The following CSGALNACT1 variants were observed in gnomAD, a reference collection of about 807,000 sequenced individuals.
CSGALNACT1 encodes chondroitin sulfate N-acetylgalactosaminyltransferase 1.
A neutral mutation model predicts 51.0 loss-of-function variants in CSGALNACT1; 52 were observed. The ratio of observed to expected loss-of-function variants is 1.02; its 90% CI spans 0.82 to 1.29. The LOEUF (loss-of-function observed/expected upper bound fraction) is 1.29. CSGALNACT1 is among the 50% of genes most tolerant of loss of function. The pLI, the probability that CSGALNACT1 is intolerant of heterozygous loss-of-function variation, is 0.00. For missense variants in CSGALNACT1, 935 were observed against 679.2 expected, an observed-to-expected ratio of 1.38 and a Z score of -4.19; for synonymous variants, 341 against 254.4, an observed-to-expected ratio of 1.34 and a Z score of -3.24.
At chr8:19,634,428 G>A (rs997720029) in intron 1 of CSGALNACT1, among the ~76,000 whole-genome samples, 5 of 151,918 alleles carry the variant, frequency 3.3e-5, no homozygotes, top group South Asian at 2.1e-4. Context: ...GAGAGAGGCC[G>A]AGGCAAGAGG....
chr8:19,443,672 C>G (rs2061676112), intron 5 of CSGALNACT1, among the ~76,000 whole-genome samples: 1 of 152,200 alleles, frequency 6.6e-6, no homozygotes, highest in South Asian at 2.1e-4. Flanking sequence ...ATGATCTCCA[C>G]CTGGCCCTGC....
intron 1 of CSGALNACT1, among the ~76,000 whole-genome samples, chr8:19,666,793 AAGAAAGAAAGAAAGAAAGAGAGAGAG>A (rs1479661144): frequency 2.8e-4 from 10 of 35,760 alleles, no homozygotes; most frequent in Middle Eastern, 0.012. Flanking sequence ...GAAAGAAAGA[AAGAAAGAAAGAAAGAAAGAGAGAGAG>A]AGAGAGAGAG....
intron 4 of CSGALNACT1, among the ~76,000 whole-genome samples, chr8:19,461,868 GGC>G: frequency 6.7e-6 from 1 of 148,430 alleles, no homozygotes; most frequent in African/African-American, 2.4e-5. Flanking sequence ...CACCATGGAG[GGC>G]GTATCCACAC....
intron 3 of CSGALNACT1, among the ~76,000 whole-genome samples, chr8:19,583,830 C>A (rs1282057736): frequency 6.6e-6 from 1 of 152,184 alleles, no homozygotes; most frequent in Admixed American, 6.5e-5. Flanking sequence ...AGTAACTGAG[C>A]AATTAGAATA....
chr8:19,549,001 G>C (rs2087216902), intron 3 of CSGALNACT1, among the ~76,000 whole-genome samples: 1 of 151,964 alleles, frequency 6.6e-6, no homozygotes, highest in Non-Finnish European at 1.5e-5. Context: ...AAATTTTACA[G>C]AGATAGTGTC....
intron 3 of CSGALNACT1, among the ~76,000 whole-genome samples, chr8:19,570,345 G>A (rs745695569): frequency 1.3e-5 from 2 of 152,098 alleles, no homozygotes; most frequent in African/African-American, 2.4e-5. Context: ...TAATTTGAAT[G>A]CTTGAACACT....
rs143958214 is a variant in CSGALNACT1, at chr8:19,608,093, C to T, written c.-543-6228G>A. Among the ~76,000 whole-genome samples, 382 of 152,288 alleles carry T rather than the reference C, an allele frequency of 2.5e-3. 3 individuals are homozygous for T. Among genetic ancestry groups the T allele is most frequent in the African/African-American group, 8.7e-3 (363 of 41,552 alleles). On this transcript the variant is annotated intron_variant, in intron 1 of 9. Transcript: ENST00000332246. ...AGAACAACCATGGTTACTTCATTAG[C>T]CAAATGTCACCTCTCATTGTGGCCT...
intron 1 of CSGALNACT1, among the ~76,000 whole-genome samples, chr8:19,723,904 T>C (rs775072863): frequency 3.3e-5 from 5 of 152,200 alleles, no homozygotes; most frequent in Non-Finnish European, 5.9e-5. Context: ...AAAGGGTCTA[T>C]TTTTAAAGAT....
chr8:19,640,859 GCTTAAGA>G (rs2056654629), intron 1 of CSGALNACT1, among the ~76,000 whole-genome samples: 2 of 151,662 alleles, frequency 1.3e-5, no homozygotes, highest in South Asian at 2.1e-4. Context: ...AGAATTATGA[GCTTAAGA>G]CTTAAGTTTT....
chr8:19,751,223 C>G (rs959430696), intron 1 of CSGALNACT1, among the ~76,000 whole-genome samples: 1 of 152,164 alleles, frequency 6.6e-6, no homozygotes, highest in Non-Finnish European at 1.5e-5. Context: ...CCCAGCTACA[C>G]CACTTACTAG....
At chr8:19,532,188 T>G (rs1322228912) in intron 3 of CSGALNACT1, among the ~76,000 whole-genome samples, 1 of 151,854 alleles carries the variant, frequency 6.6e-6, no homozygotes, top group Non-Finnish European at 1.5e-5. Flanking sequence ...AAAAAACATG[T>G]TTGTTTGCAC....
intron 4 of CSGALNACT1, among the ~76,000 whole-genome samples, chr8:19,474,205 G>C (rs993605640): frequency 2.0e-5 from 3 of 152,060 alleles, no homozygotes; most frequent in South Asian, 2.1e-4. Flanking sequence ...GGGCTCCATG[G>C]AAGTCTTCAA....
intron 1 of CSGALNACT1, chr8:19,641,991 G>C (rs1349306027): frequency 6.6e-6 from 1 of 152,116 alleles, no homozygotes; most frequent in African/African-American, 2.4e-5. Context: ...TCTTCCTTGG[G>C]AGATATTTGG....
chr8:19,665,202 C>T (rs145595825), intron 1 of CSGALNACT1, among the ~76,000 whole-genome samples: 1 of 152,074 alleles, frequency 6.6e-6, no homozygotes, highest in African/African-American at 2.4e-5. Context: ...TTAGTGCAGA[C>T]GGTGTCGTAC....
intron 1 of CSGALNACT1, among the ~76,000 whole-genome samples, chr8:19,679,142 A>G (rs547000365): frequency 1.4e-4 from 22 of 152,354 alleles, no homozygotes; most frequent in African/African-American, 4.8e-4. Flanking sequence ...AGGAAATTCA[A>G]GACAGCAGCA....
At chr8:19,611,157 G>C (rs1369316614) in intron 1 of CSGALNACT1, among the ~76,000 whole-genome samples, 1 of 152,230 alleles carries the variant, frequency 6.6e-6, no homozygotes, top group African/African-American at 2.4e-5. Context: ...GAAAATATAA[G>C]CTATACTAGA....
At chr8:19,498,947 C>G (rs779702632) in intron 4 of CSGALNACT1, among the ~76,000 whole-genome samples, 5 of 152,132 alleles carry the variant, frequency 3.3e-5, no homozygotes, top group Non-Finnish European at 7.3e-5. Flanking sequence ...GACCCCATCT[C>G]TATCAAAAGG....
chr8:19,431,951 A>G (rs2059711925), intron 6 of CSGALNACT1, among the ~76,000 whole-genome samples: 1 of 151,866 alleles, frequency 6.6e-6, no homozygotes, highest in Admixed American at 6.6e-5. Flanking sequence ...ATCAACACAG[A>G]TTTATAATTT....
At chr8:19,740,367 G>A (rs1025805512) in intron 1 of CSGALNACT1, among the ~76,000 whole-genome samples, 1 of 152,222 alleles carries the variant, frequency 6.6e-6, no homozygotes, top group Admixed American at 6.5e-5. Flanking sequence ...CAGCCTCAAA[G>A]CAGCTGCTCT....
Sources: gnomAD v4.1 joint callset for allele counts (sites outside exome capture counted in the v4.1 genomes callset) on GRCh38, gnomAD v4.1.1 for gene constraint, MANE v1.5 for transcripts, NCBI Gene and HGNC (gene_info 2026-07-23, HGNC 2026-07-21) for gene names.